The following LARP4B variants were observed in gnomAD, a reference collection of about 807,000 sequenced individuals.
LARP4B encodes the protein La ribonucleoprotein 4B, also known as la-related protein 4B.
A neutral mutation model predicts 89.8 loss-of-function variants in LARP4B; 12 were observed. The observed-to-expected ratio is 0.13, with a 90% CI of 0.09 to 0.22. The LOEUF is 0.22. Among genes scored for constraint, LARP4B ranks in the 10% least tolerant of loss-of-function variants. LARP4B has a pLI of 1.00. For missense variants in LARP4B, 757 were observed against 947.7 expected (o/e 0.80, Z 2.64); for synonymous variants, 367 against 363.3 (o/e 1.01, Z -0.12).
intron 13 of LARP4B, 148 bp downstream of exon 13, chr10:824,917 T>G: frequency 2.7e-6 from 2 of 751,706 alleles, no homozygotes; most frequent in African/African-American, 1.8e-5. Context: ...GCCATTTAAG[T>G]CTTAGCAATT....
chr10:835,578 T>C (rs1833169685), intron 8 of LARP4B, among the ~76,000 whole-genome samples: 1 of 152,242 alleles, frequency 6.6e-6, no homozygotes, highest in Non-Finnish European at 1.5e-5. Context: ...GTGTGTTTAC[T>C]ACACAAAGCA....
rs185886918 is a variant in LARP4B, at chr10:873,461, C to G, written c.142-9191G>C. On this transcript the variant is annotated intron_variant, in intron 3 of 17. Coordinates refer to ENST00000316157, the MANE Select transcript of LARP4B (RefSeq NM_015155.3). ...ATAAAACATAACTTAAAATATTATCCCAGCCAGAAAGATTTCAGGCTTCTG... is the reference window on the plus strand; with the variant it reads ...ATAAAACATAACTTAAAATATTATCGCAGCCAGAAAGATTTCAGGCTTCTG... The G allele has an allele frequency of 4.8e-4, 467 of 972,094 alleles. 9 individuals are homozygous for G. The Admixed American group carries it at 0.026, about 55-fold the overall frequency. The allele number at this position is 972,094 out of a possible 1,614,324, so 60.2% of individuals were successfully genotyped here.
At chr10:941,994 A>G in the LARP4B span, among the ~76,000 whole-genome samples, 1 of 152,194 alleles carries the variant, frequency 6.6e-6, no homozygotes, top group African/African-American at 2.4e-5. Flanking sequence ...ATACCTAGAG[A>G]AGTATACATT....
rs1831662387 is a variant in LARP4B, at chr10:809,504, T to C, written c.*3422A>G. The C allele has an allele frequency of 6.6e-6, 1 of 152,208 alleles. No homozygotes were observed. The highest frequency in any genetic ancestry group is 1.5e-5 in the Non-Finnish European group (1 of 68,040). The allele number at this position is 152,208 out of a possible 1,614,324, so 9.4% of individuals were successfully genotyped here. On this transcript the variant is annotated 3_prime_UTR_variant, in exon 18 of 18. Transcript: ENST00000316157. The stretch of plus-strand genomic sequence containing the variant: ...AACTATGTTTAGAAAAGATGCATTA[T>C]TGAAGAAATTTTAATTTAAAAAAAA...
chr10:880,536 A>C (rs905326578), intron 3 of LARP4B, among the ~76,000 whole-genome samples: 16 of 152,158 alleles, frequency 1.1e-4, no homozygotes, highest in Admixed American at 1.0e-3. Context: ...AAATACAAAA[A>C]TTAGCCAAGC....
chr10:905,124 T>TA (rs1227798835), intron 1 of LARP4B, among the ~76,000 whole-genome samples: 1 of 152,162 alleles, frequency 6.6e-6, no homozygotes, highest in Non-Finnish European at 1.5e-5. Flanking sequence ...AACTGAAATA[T>TA]AAAACACTTC....
rs987717314 is a variant in LARP4B at position 822,751 on chromosome 10, T to C, written c.1485-1906A>G. 6.6e-6 allele frequency among the ~76,000 whole-genome samples: 1 copy of C among 152,186 alleles called. No individual in the cohort carries two copies. The highest frequency in any genetic ancestry group is 1.5e-5 in the Non-Finnish European group (1 of 68,032). On this transcript the variant is annotated intron_variant, in intron 13 of 17. Coordinates refer to ENST00000316157, the MANE Select transcript of LARP4B (RefSeq NM_015155.3). The surrounding 1 kb of genome is among the most constrained non-coding windows in gnomAD (Gnocchi z 4.6). ...CTCTGAATGCAGTGGTGTGAAGGCCTGAGACCCTGAAGAGGTGTGCTTCCC... is the reference window on the plus strand; with the variant it reads ...CTCTGAATGCAGTGGTGTGAAGGCCCGAGACCCTGAAGAGGTGTGCTTCCC...
At chr10:973,542 G>A in the LARP4B span, among the ~76,000 whole-genome samples, 38 of 151,938 alleles carry the variant, frequency 2.5e-4, 1 homozygote, top group Admixed American at 2.2e-3. Context: ...TAGTAGAGAC[G>A]GGGTTTCACC....
chr10:849,446 T>C (rs1833935663), intron 5 of LARP4B, among the ~76,000 whole-genome samples: 1 of 152,204 alleles, frequency 6.6e-6, no homozygotes, highest in Admixed American at 6.5e-5. Context: ...CAGTACTGGA[T>C]TATAACCAAA....
intron 13 of LARP4B, among the ~76,000 whole-genome samples, chr10:821,442 A>G (rs976481911): frequency 1.3e-5 from 2 of 152,178 alleles, no homozygotes; most frequent in African/African-American, 2.4e-5. Context: ...GCAGGCAGCA[A>G]GGCCACGCCA....
chr10:927,798 A>G (rs573911132), intron 1 of LARP4B, among the ~76,000 whole-genome samples: 21 of 152,374 alleles, frequency 1.4e-4, no homozygotes, highest in East Asian at 1.3e-3. Context: ...AGAATTTTGT[A>G]GAAGAAATTA....
intron 7 of LARP4B, among the ~76,000 whole-genome samples, chr10:840,351 G>A (rs1564397430): frequency 6.6e-6 from 1 of 152,146 alleles, no homozygotes; most frequent in African/African-American, 2.4e-5. Context: ...TCCCGTTCAT[G>A]CTTTCACACC....
At chr10:972,985 A>G in the LARP4B span, 1 of 409,202 alleles carries the variant, frequency 2.4e-6, no homozygotes, top group Non-Finnish European at 4.9e-6. Context: ...AGGCGTTACC[A>G]CTGTGATTCT....
intron 8 of LARP4B, among the ~76,000 whole-genome samples, chr10:831,318 A>T (rs1832894104): frequency 2.0e-5 from 3 of 151,614 alleles, no homozygotes; most frequent in Non-Finnish European, 2.9e-5. Flanking sequence ...TAAGAAAAAA[A>T]ATTTGCTTGG....
intron 1 of LARP4B, among the ~76,000 whole-genome samples, chr10:930,954 G>A (rs1042733441): frequency 1.3e-5 from 2 of 150,294 alleles, no homozygotes; most frequent in South Asian, 4.1e-4. Flanking sequence ...GGGCGCTCGC[G>A]GCCCGCGACC....
the LARP4B span, among the ~76,000 whole-genome samples, chr10:944,329 G>T: frequency 6.6e-6 from 1 of 152,158 alleles, no homozygotes; most frequent in African/African-American, 2.4e-5. Context: ...TAGTTAGTTG[G>T]TTTTCACCAC....
In LARP4B at chr10:824,772, CA is replaced by C. The variant is rs898692078; in HGVS notation, c.1484+292del. Among the ~76,000 whole-genome samples the C allele has an allele frequency of 7.2e-5, 11 of 152,316 alleles. No individual in the cohort carries two copies. In the East Asian group the frequency reaches 2.1e-3, roughly 29 times the overall value. ...GCCCTTGCAGAGGGGCCTGGTGAGC[CA>C]GGGGTGCTGCCAAGAGGAGACTGCA... On this transcript the variant is annotated intron_variant, in intron 13 of 17. Coordinates refer to ENST00000316157, the MANE Select transcript of LARP4B (RefSeq NM_015155.3).
chr10:808,383 G>A (rs1237437612), downstream of LARP4B: 2 of 152,212 alleles, frequency 1.3e-5, no homozygotes, highest in African/African-American at 4.8e-5. Flanking sequence ...TGATCCAGAT[G>A]GCATAATTCC....
chr10:943,080 G>A, the LARP4B span, among the ~76,000 whole-genome samples: 1 of 151,850 alleles, frequency 6.6e-6, no homozygotes, highest in African/African-American at 2.4e-5. Flanking sequence ...CCAAGTAGCT[G>A]GGATTACAGG....
Sources: gnomAD v4.1 joint callset for allele counts (sites outside exome capture counted in the v4.1 genomes callset) on GRCh38, gnomAD v4.1.1 for gene constraint, Gnocchi (gnomAD v3.1) non-coding constraint, MANE v1.5 for transcripts, NCBI Gene and HGNC (gene_info 2026-07-23, HGNC 2026-07-21) for gene names.